Variants in AKAP6 observed in about 807,000 individuals in gnomAD.
The protein encoded by AKAP6 is A-kinase anchor protein 6.
A neutral mutation model predicts 188.5 loss-of-function variants in AKAP6; 58 were observed. The ratio of observed to expected loss-of-function variants is 0.31; its 90% confidence interval spans 0.25 to 0.38. The LOEUF is 0.38. Among genes scored for constraint, AKAP6 ranks in the 10% least tolerant of loss-of-function variants. The probability of loss-of-function intolerance (pLI) is 1.00; values close to 1 mark genes in which losing one functional copy is unlikely to be tolerated. For missense variants in AKAP6, 2,710 were observed against 2,740.0 expected (o/e 0.99, Z 0.24); for synonymous variants, 989 against 998.6 (o/e 0.99, Z 0.18).
intron 1 of AKAP6, among the ~76,000 whole-genome samples, chr14:32,381,380 A>T (rs1360480179): frequency 2.0e-5 from 3 of 152,148 alleles, no homozygotes; most frequent in Non-Finnish European, 4.4e-5. Context: ...TATGATATTT[A>T]TGGAGATATT....
chr14:32,641,608 T>C (rs1008655148), intron 7 of AKAP6, among the ~76,000 whole-genome samples: 5 of 152,086 alleles, frequency 3.3e-5, no homozygotes, highest in Non-Finnish European at 5.9e-5. Context: ...ACAGAAACAA[T>C]GGCTTCCAGA....
chr14:32,393,670 GA>G (rs1566480430), intron 1 of AKAP6, among the ~76,000 whole-genome samples: 1 of 151,992 alleles, frequency 6.6e-6, no homozygotes, highest in South Asian at 2.1e-4. Flanking sequence ...AACTCAAAAT[GA>G]AAAGTTAAAA....
chr14:32,724,171 T>C (rs1340871414), intron 9 of AKAP6, among the ~76,000 whole-genome samples: 1 of 152,238 alleles, frequency 6.6e-6, no homozygotes, highest in African/African-American at 2.4e-5. Flanking sequence ...TATTATACTT[T>C]ATTGATCATT....
intron 2 of AKAP6, among the ~76,000 whole-genome samples, chr14:32,452,259 C>T (rs1890967934): frequency 6.6e-6 from 1 of 151,980 alleles, no homozygotes; most frequent in Admixed American, 6.5e-5. Context: ...GTCTCAAACT[C>T]CTGAGCTCAA....
chr14:32,343,600 T>A (rs1411851259), intron 1 of AKAP6, among the ~76,000 whole-genome samples: 2 of 151,248 alleles, frequency 1.3e-5, no homozygotes, highest in African/African-American at 2.4e-5. Context: ...TACAAAAAAT[T>A]AGCCAGGCAT....
intron 8 of AKAP6, among the ~76,000 whole-genome samples, chr14:32,688,029 A>G (rs549414033): frequency 2.0e-5 from 3 of 152,202 alleles, no homozygotes; most frequent in South Asian, 2.1e-4. Context: ...AACAAAAGGC[A>G]AACCAGAGAG....
At chr14:32,696,152 C>A in intron 9 of AKAP6, 42 bp downstream of exon 9, 6 of 1,565,182 alleles carry the variant, frequency 3.8e-6, no homozygotes, top group Non-Finnish European at 5.2e-6. Context: ...TGTGGAAGAT[C>A]TGATTAGCCT....
intron 2 of AKAP6, among the ~76,000 whole-genome samples, chr14:32,477,317 T>G (rs976430792): frequency 6.6e-6 from 1 of 152,230 alleles, no homozygotes; most frequent in African/African-American, 2.4e-5. Flanking sequence ...GCTCATTTAC[T>G]TCTCAGGGCT....
intron 7 of AKAP6, among the ~76,000 whole-genome samples, chr14:32,630,528 G>A (rs1486892323): frequency 6.6e-6 from 1 of 152,012 alleles, no homozygotes; most frequent in East Asian, 1.9e-4. Flanking sequence ...GGGAAAAAAG[G>A]AGATACTTTT....
At chr14:32,635,163 G>A (rs1887433807) in intron 7 of AKAP6, among the ~76,000 whole-genome samples, 1 of 151,954 alleles carries the variant, frequency 6.6e-6, no homozygotes, top group South Asian at 2.1e-4. Context: ...ATTATTTTCA[G>A]ATTGGAAAAT....
chr14:32,833,849 A>C lies in AKAP6; in HGVS notation c.*4044A>C, dbSNP rs531399092. On this transcript the variant is annotated 3_prime_UTR_variant, in exon 14 of 14. Coordinates refer to ENST00000280979, the MANE Select transcript of AKAP6 (RefSeq NM_004274.5). ...TATTCTTTTTTCAATTTTCATTTTG[A>C]AAAAATTCAGACCTATGTAAAAGTT... 4.6e-5 allele frequency: 7 copies of C among 152,268 alleles called. No individual in the cohort carries two copies. The highest frequency in any genetic ancestry group is 8.8e-5 in the Non-Finnish European group (6 of 68,012). 9.4% of individuals were successfully genotyped at this position (152,268 alleles called of 1,614,324 possible).
rs755892627 is a variant in AKAP6, at chr14:32,433,700, C to T, written c.207C>T (p.His69=). Residue 69 remains histidine (H), a synonymous_variant, in exon 2 of 14, where the codon CAC becomes CAT. Transcript: ENST00000280979. ...GGGCTGACTGGAAGATTGTCCTCCACTTACCTGAAATTGAGACCTGGCTCC... is the reference window on the plus strand; with the variant it reads ...GGGCTGACTGGAAGATTGTCCTCCATTTACCTGAAATTGAGACCTGGCTCC... The part of the protein sequence containing the change: ...HTGADWKIVL[H]LPEIETWLRM... 3.7e-6 allele frequency: 6 copies of T among 1,614,062 alleles called. No individual in the cohort carries two copies. The East Asian group carries it at 1.1e-4, about 30-fold the overall frequency.
chr14:32,425,651 G>A (rs973620268), intron 1 of AKAP6, among the ~76,000 whole-genome samples: 17 of 151,682 alleles, frequency 1.1e-4, no homozygotes, highest in Non-Finnish European at 1.6e-4. Context: ...GAGGAAGGAA[G>A]GAAGGAAGGA....
At chr14:32,357,397 T>C (rs1887518546) in intron 1 of AKAP6, among the ~76,000 whole-genome samples, 1 of 152,212 alleles carries the variant, frequency 6.6e-6, no homozygotes, top group South Asian at 2.1e-4. Flanking sequence ...ACCATGTCTG[T>C]TTTAAGGTTA....
chr14:32,507,539 TG>T, intron 2 of AKAP6, among the ~76,000 whole-genome samples: 1 of 130,898 alleles, frequency 7.6e-6, no homozygotes, highest in Non-Finnish European at 1.7e-5. Flanking sequence ...CACATTGTGG[TG>T]GTTTTTTTTT....
chr14:32,515,955 A>T (rs1447567432), intron 2 of AKAP6, among the ~76,000 whole-genome samples: 1 of 152,332 alleles, frequency 6.6e-6, no homozygotes, highest in East Asian at 1.9e-4. Context: ...AAATATATAA[A>T]TTGCATAATT....
chr14:32,363,300 T>C (rs1887724116), intron 1 of AKAP6, among the ~76,000 whole-genome samples: 1 of 152,146 alleles, frequency 6.6e-6, no homozygotes, highest in South Asian at 2.1e-4. Flanking sequence ...ACAGAGGAGA[T>C]GTGTATTAGT....
chr14:32,517,382 G>A (rs867052654), intron 2 of AKAP6, among the ~76,000 whole-genome samples: 2 of 152,158 alleles, frequency 1.3e-5, no homozygotes, highest in African/African-American at 4.8e-5. Flanking sequence ...GCAGAAGACG[G>A]GTGATTTCTG....
intron 2 of AKAP6, chr14:32,494,220 A>C (rs773900042): frequency 2.0e-5 from 3 of 152,060 alleles, no homozygotes; most frequent in Non-Finnish European, 4.4e-5. Context: ...AGCTATGCCC[A>C]CCCCTTCCTG....
Sources: allele counts gnomAD v4.1 joint callset (sites outside exome capture counted in the v4.1 genomes callset), GRCh38; gene constraint gnomAD v4.1.1; transcripts MANE v1.5; gene names NCBI Gene and HGNC (gene_info 2026-07-23, HGNC 2026-07-21).